ANO1: variants seen among roughly 807,000 people sequenced by gnomAD.
ANO1 encodes anoctamin 1.
A neutral mutation model predicts 124.0 loss-of-function variants in ANO1; 59 were observed. The ratio of observed to expected loss-of-function variants is 0.48; its 90% CI spans 0.39 to 0.59. The LOEUF is 0.59. Among genes scored for constraint, ANO1 ranks in the 20% least tolerant of loss-of-function variants. The pLI is 0.00. For synonymous variants in ANO1, 529 were observed against 532.0 expected (o/e 0.99, Z 0.08); for missense variants, 1,059 against 1,328.0 (o/e 0.80, Z 3.15).
At chr11:70,156,721 C>T (rs1025925800) in intron 15 of ANO1, among the ~76,000 whole-genome samples, 3 of 152,196 alleles carry the variant, frequency 2.0e-5, no homozygotes. Flanking sequence ...ACGGTTCTTG[C>T]TCCCGTTATC....
chr11:70,159,846 A>G (rs999291251), intron 16 of ANO1, among the ~76,000 whole-genome samples: 3 of 152,194 alleles, frequency 2.0e-5, no homozygotes, highest in African/African-American at 7.2e-5. Context: ...TGTTCCCCGG[A>G]GCTGGCCAGG....
At chr11:70,098,062 G>A (rs2045084403) in intron 2 of ANO1, among the ~76,000 whole-genome samples, 1 of 152,188 alleles carries the variant, frequency 6.6e-6, no homozygotes, top group Non-Finnish European at 1.5e-5. Flanking sequence ...GAACCCCTTG[G>A]GGCACCCGCC....
chr11:70,032,395 C>T (rs561958550), intron 1 of ANO1, among the ~76,000 whole-genome samples: 1 of 152,194 alleles, frequency 6.6e-6, no homozygotes, highest in Non-Finnish European at 1.5e-5. Context: ...TGGGAATCTA[C>T]CTCAAAGGCC....
chr11:70,044,510 A>G (rs1857229104), intron 1 of ANO1, among the ~76,000 whole-genome samples: 1 of 152,156 alleles, frequency 6.6e-6, no homozygotes, highest in African/African-American at 2.4e-5. Context: ...CTTGATTGTA[A>G]CCCACTGAGT....
At chr11:70,085,240 G>T (rs1488110574) in intron 1 of ANO1, among the ~76,000 whole-genome samples, 1 of 152,152 alleles carries the variant, frequency 6.6e-6, no homozygotes, top group African/African-American at 2.4e-5. Flanking sequence ...GCGATACTGG[G>T]GTCTTCCGTG....
At chr11:70,114,665 A>G (rs983988855) in intron 7 of ANO1, among the ~76,000 whole-genome samples, 1 of 152,132 alleles carries the variant, frequency 6.6e-6, no homozygotes, top group Admixed American at 6.5e-5. Context: ...TTGGGAGGCC[A>G]AGACGGGTAG....
At chr11:70,152,334 CAAAAAAAA>C (rs56895585) in intron 12 of ANO1, 108 bp from the exon 13 acceptor site, 4 of 436,742 alleles carry the variant, frequency 9.2e-6, no homozygotes, top group Admixed American at 4.4e-5. Flanking sequence ...GACTCCATCT[CAAAAAAAA>C]AAAAAAAAAA....
intron 1 of ANO1, among the ~76,000 whole-genome samples, chr11:70,021,880 C>T (rs112071608): frequency 9.8e-5 from 15 of 152,308 alleles, no homozygotes; most frequent in African/African-American, 1.9e-4. Flanking sequence ...CCAAAGAGTG[C>T]GCAGAGTATT....
intron 14 of ANO1, among the ~76,000 whole-genome samples, chr11:70,154,918 C>A (rs960135660): frequency 6.6e-6 from 1 of 152,250 alleles, no homozygotes; most frequent in African/African-American, 2.4e-5. Context: ...CTGCCCTCTG[C>A]CCCGGCCCTT....
chr11:70,161,496 G>A, intron 17 of ANO1, 126 bp from the exon 18 acceptor site: 1 of 1,379,074 alleles, frequency 7.3e-7, no homozygotes, highest in Non-Finnish European at 1.0e-6. Flanking sequence ...GGTATCCTGA[G>A]CACAGGCCAT....
chr11:70,003,864 C>G (rs1396282319), intron 1 of ANO1, among the ~76,000 whole-genome samples: 1 of 152,146 alleles, frequency 6.6e-6, no homozygotes. Context: ...CCTGTGGACA[C>G]CCCACAGGGA....
At chr11:70,142,588 A>T (rs562131218) in intron 11 of ANO1, among the ~76,000 whole-genome samples, 17 of 152,228 alleles carry the variant, frequency 1.1e-4, no homozygotes, top group Admixed American at 7.2e-4. Context: ...TGGAGTCTGC[A>T]CTAAGCAAAC....
chr11:70,177,202 G>A (rs2048736960), intron 22 of ANO1, among the ~76,000 whole-genome samples: 1 of 152,220 alleles, frequency 6.6e-6, no homozygotes, highest in Non-Finnish European at 1.5e-5. Context: ...TCCCTCGGGA[G>A]CCCCAAAGAC....
chr11:70,010,179 G>GTGTGTGTGTATATA, intron 1 of ANO1, among the ~76,000 whole-genome samples: 12 of 83,814 alleles, frequency 1.4e-4, no homozygotes, highest in Non-Finnish European at 2.4e-4. Context: ...GTGTGTGTGT[G>GTGTGTGTGTATATA]TATATATATA....
chr11:69,967,883 C>G, the ANO1 span, among the ~76,000 whole-genome samples: 1 of 152,186 alleles, frequency 6.6e-6, no homozygotes, highest in African/African-American at 2.4e-5. Context: ...GTAGTTCACT[C>G]CCCTCTCTGG....
intron 1 of ANO1, among the ~76,000 whole-genome samples, chr11:69,992,372 T>C (rs1251812832): frequency 2.4e-4 from 36 of 152,224 alleles, no homozygotes; most frequent in African/African-American, 1.2e-4. Context: ...CCTTTACTCA[T>C]GTCATTCCCT....
chr11:69,984,828 G>A (rs567243960), upstream of ANO1, among the ~76,000 whole-genome samples: 1 of 152,372 alleles, frequency 6.6e-6, no homozygotes, highest in Admixed American at 6.5e-5. Flanking sequence ...GGGTGCAGAA[G>A]TTGTCAGATG....
chr11:70,120,513 G>A (rs1226218938), intron 8 of ANO1, among the ~76,000 whole-genome samples: 2 of 152,146 alleles, frequency 1.3e-5, no homozygotes, highest in Non-Finnish European at 2.9e-5. Flanking sequence ...GTGGACTGAG[G>A]TCTGCTGCAT....
Position 70,179,999 on chromosome 11 carries a change from C to T in ANO1, c.2351-5C>T. The T allele has an allele frequency of 6.2e-7, 1 of 1,612,320 alleles. No individual in the cohort carries two copies. Among genetic ancestry groups the T allele is most frequent in the Non-Finnish European group, 8.5e-7 (1 of 1,178,462 alleles). On this transcript the variant is annotated splice_polypyrimidine_tract_variant and splice_region_variant and intron_variant, in intron 22 of 25. Coordinates refer to ENST00000355303, the MANE Select transcript of ANO1 (RefSeq NM_018043.7). ...CTTTAAAACTGTGACTTCTTCTTCC[C>T]CCAGGAATCTGGTACAATATCCTCA...
Sources: gnomAD v4.1 joint callset for allele counts (sites outside exome capture counted in the v4.1 genomes callset) on GRCh38, gnomAD v4.1.1 for gene constraint, MANE v1.5 for transcripts, NCBI Gene and HGNC (gene_info 2026-07-23, HGNC 2026-07-21) for gene names.